Variants in RMND1 observed in about 807,000 individuals in gnomAD.
RMND1 encodes the protein required for meiotic nuclear division protein 1 homolog.
Under a neutral mutation model 54.0 loss-of-function variants are expected in RMND1, and 41 were observed. The observed-to-expected ratio is 0.76, with a 90% CI of 0.59 to 0.98. RMND1 has a LOEUF of 0.98. RMND1 is among the 50% of genes least tolerant of loss of function. RMND1 has a pLI of 0.00. For synonymous variants in RMND1, 183 were observed against 181.7 expected (o/e 1.01, Z -0.06); for missense variants, 457 against 532.0 (o/e 0.86, Z 1.39).
At chr6:151,430,366 A>T (rs565258463) in intron 4 of RMND1, among the ~76,000 whole-genome samples, 189 bp from the exon 5 acceptor site, 1 of 152,352 alleles carries the variant, frequency 6.6e-6, no homozygotes, top group East Asian at 1.9e-4. Flanking sequence ...AAAATTCTTG[A>T]TAAAACCTGA....
chr6:151,449,338 A>T (rs1781059360), intron 1 of RMND1, among the ~76,000 whole-genome samples: 1 of 151,334 alleles, frequency 6.6e-6, no homozygotes, highest in African/African-American at 2.4e-5. Context: ...CACTGCACTA[A>T]AGTCTGGGCG....
At chr6:151,430,016 G>A (rs1211611163) in intron 5 of RMND1, 122 bp downstream of exon 5, 1 of 645,570 alleles carries the variant, frequency 1.5e-6, no homozygotes, top group African/African-American at 1.8e-5. Context: ...ATCATGTAAT[G>A]CAGAGCAAAT....
Position 151,405,629 on chromosome 6 carries a change from TA to T in RMND1, c.1317+90del, listed in dbSNP as rs1779588312. 3 of 699,314 alleles carry T rather than the reference TA, an allele frequency of 4.3e-6. No homozygotes were observed. The South Asian group carries it at 5.7e-5, about 13-fold the overall frequency. The allele number at this position is 699,314 out of a possible 1,614,324, so 43.3% of individuals were successfully genotyped here. A position where few individuals can be genotyped will look rare whatever the true frequency, so the allele number is the denominator to read the frequency against. ...ACAAAGTCAGCCTCTTTTCTGCTAA[TA>T]ATTTTCTATCTCAAACTATCTTATT... On this transcript the variant is annotated intron_variant, in intron 11 of 11. Transcript: ENST00000444024.
At chr6:151,429,064 T>C (rs115410521) in intron 5 of RMND1, among the ~76,000 whole-genome samples, 1,601 of 152,234 alleles carry the variant, frequency 0.011, 25 homozygotes, top group African/African-American at 0.034. Flanking sequence ...AAATTGGGAT[T>C]GTATAAAGCA....
intron 8 of RMND1, 132 bp from the exon 9 acceptor site, chr6:151,421,453 C>T: frequency 1.7e-6 from 1 of 594,572 alleles, no homozygotes; most frequent in Admixed American, 3.4e-5. Flanking sequence ...TGGCTGTCTC[C>T]CAGATTAATG....
rs750089917 is a variant in RMND1, at chr6:151,430,119, C to T, written c.729+19G>A. On this transcript the variant is annotated intron_variant, in intron 5 of 11. Coordinates refer to ENST00000444024, the MANE Select transcript of RMND1 (RefSeq NM_017909.4). ...ACAAAACTAAATTTTTATATTTTCA[C>T]ATTTTTATTTACACTTACAGTTTTG... 1 of 1,538,984 alleles carries T rather than the reference C, an allele frequency of 6.5e-7. No homozygotes were observed. Among genetic ancestry groups the T allele is most frequent in the Non-Finnish European group, 8.9e-7 (1 of 1,117,658 alleles).
At chr6:151,407,531 C>T (rs557019066) in intron 10 of RMND1, among the ~76,000 whole-genome samples, 42 of 152,260 alleles carry the variant, frequency 2.8e-4, no homozygotes, top group African/African-American at 9.6e-4. Context: ...CTCTCCTAAA[C>T]GTCCCAAAGT....
Position 151,445,314 on chromosome 6 carries a change from C to A in RMND1, c.498G>T (p.Val166=). ...PSRTNLPVLS[V]NEDLMHCTAF... is the part of the protein sequence containing the mutation. ...ACGGCCACCCCTACTTTACCTCGTT[C>A]ACAGACAGAACTGGAAGGTTGGTCC... Residue 166 remains valine (V), a synonymous_variant, in exon 2 of 12, where the codon GTG becomes GTT. Transcript: ENST00000444024. 6.2e-7 allele frequency: 1 copy of A among 1,606,654 alleles called. No individual in the cohort carries two copies. The highest frequency in any genetic ancestry group is 1.7e-5 in the Admixed American group (1 of 58,416).
chr6:151,424,463 CA>C (rs35635686), intron 6 of RMND1, among the ~76,000 whole-genome samples: 3,867 of 103,386 alleles, frequency 0.037, 57 homozygotes, highest in Non-Finnish European at 0.046. Context: ...ACTCTGTCTC[CA>C]AAAAAAAAAA....
intron 10 of RMND1, among the ~76,000 whole-genome samples, chr6:151,407,027 C>T (rs978942318): frequency 6.6e-6 from 1 of 151,926 alleles, no homozygotes; most frequent in Non-Finnish European, 1.5e-5. Flanking sequence ...GTGGTGTGTG[C>T]CTGTAGTTCT....
In RMND1 at chr6:151,433,189, T is replaced by G; in HGVS notation, c.655A>C (p.Lys219Gln). The change falls in exon 4 of 12, where the codon AAA (lysine) becomes CAA (glutamine). Residue 219 changes from lysine to glutamine, a missense_variant. Transcript: ENST00000444024. ...ILVMGVENSA[K>Q]EGDPGTIFFF... ...AATATTGTTCCAGGATCACCTTCTTTTGCAGAATTTTCCACACCCATCACC... is the reference window on the plus strand; with the variant it reads ...AATATTGTTCCAGGATCACCTTCTTGTGCAGAATTTTCCACACCCATCACC... 2 of 1,612,842 alleles carry G rather than the reference T, an allele frequency of 1.2e-6. No homozygotes were observed. The highest frequency in any genetic ancestry group is 2.7e-5 in the African/African-American group (2 of 75,002).
intron 1 of RMND1, among the ~76,000 whole-genome samples, chr6:151,449,369 G>GAA (rs111743448): frequency 1.2e-3 from 133 of 111,790 alleles, no homozygotes; most frequent in Non-Finnish European, 1.6e-3. Context: ...ATTCTGTAAC[G>GAA]AAAAAAAAAA....
intron 10 of RMND1, chr6:151,416,605 G>A (rs1464020008): frequency 6.6e-6 from 1 of 152,000 alleles, no homozygotes; most frequent in Non-Finnish European, 1.5e-5. Context: ...TGTATTTTTA[G>A]TAGAGACAGG....
chr6:151,415,809 A>G (rs1582945974), intron 10 of RMND1, among the ~76,000 whole-genome samples: 2 of 151,686 alleles, frequency 1.3e-5, no homozygotes, highest in African/African-American at 4.8e-5. Flanking sequence ...AAAAAAAAAA[A>G]AAAAGTCACA....
rs931196424 is a variant in RMND1 at position 151,427,166 on chromosome 6, C to G, written c.830+316G>C. On this transcript the variant is annotated intron_variant, in intron 6 of 11. Transcript: ENST00000444024. ...GGCTGAGGTGGGCGGATCACCAGGTCGAGATCCAGACCATCCTGGCCAACA... is the reference window on the plus strand; with the variant it reads ...GGCTGAGGTGGGCGGATCACCAGGTGGAGATCCAGACCATCCTGGCCAACA... Among the ~76,000 whole-genome samples, 5 of 151,946 alleles carry G rather than the reference C, an allele frequency of 3.3e-5. No individual in the cohort carries two copies. In the South Asian group the frequency reaches 1.0e-3, roughly 32 times the overall value.
chr6:151,423,532 G>A lies in RMND1; in HGVS notation c.930C>T (p.Cys310=). Residue 310 remains cysteine, a synonymous_variant, in exon 7 of 12, where the codon TGC becomes TGT. Coordinates refer to ENST00000444024, the MANE Select transcript of RMND1 (RefSeq NM_017909.4). ...LEKFAFSNAL[C]LSVKLAIWEA... ...TAAGCAGTAGTAACTTACCAGAAAG[G>A]CATAGAGCATTGGAGAAAGCAAACT... 1 of 1,603,104 alleles carries A rather than the reference G, an allele frequency of 6.2e-7. No homozygotes were observed. Among genetic ancestry groups the A allele is most frequent in the Middle Eastern group, 1.7e-4 (1 of 6,042 alleles).
rs1337514760 is a variant in RMND1 at position 151,447,812 on chromosome 6, T to C, written c.-14-1987A>G. ...TTTTTATTCTCTTTGAGTAAATTCT[T>C]TTTTTTTTTTTTTTTTTTGAGATGG... On this transcript the variant is annotated intron_variant, in intron 1 of 11. Transcript: ENST00000444024. 1.0e-4 allele frequency among the ~76,000 whole-genome samples: 3 copies of C among 29,718 alleles called. No individual in the cohort carries two copies. The African/African-American group carries it at 1.8e-3, about 18-fold the overall frequency. The allele number at this position is 29,718 out of a possible 152,430, so 19.5% of individuals were successfully genotyped here.
intron 1 of RMND1, among the ~76,000 whole-genome samples, 155 bp downstream of exon 1, chr6:151,451,861 C>T (rs1330544977): frequency 1.3e-5 from 2 of 152,188 alleles, no homozygotes; most frequent in Non-Finnish European, 2.9e-5. Context: ...GCTTTTTACT[C>T]CCAGCTAAGC....
At chr6:151,447,622 C>T (rs1374206036) in intron 1 of RMND1, among the ~76,000 whole-genome samples, 2 of 152,114 alleles carry the variant, frequency 1.3e-5, no homozygotes, top group Admixed American at 1.3e-4. Flanking sequence ...GGAGGTAGAA[C>T]CTGCTGCTTC....
Sources: gnomAD v4.1 joint callset for allele counts (sites outside exome capture counted in the v4.1 genomes callset) on GRCh38, gnomAD v4.1.1 for gene constraint, MANE v1.5 for transcripts, NCBI Gene and HGNC (gene_info 2026-07-23, HGNC 2026-07-21) for gene names.